Variants in FBXL17 observed in about 807,000 individuals in gnomAD.
The protein encoded by FBXL17 is F-box/LRR-repeat protein 17.
In FBXL17, 22 loss-of-function variants were observed where a neutral mutation model predicts 66.2. The observed-to-expected ratio is 0.33, with a 90% CI of 0.24 to 0.47. FBXL17 has a LOEUF of 0.47. Among genes scored for constraint, FBXL17 ranks in the 20% least tolerant of loss-of-function variants. The probability of loss-of-function intolerance (pLI) is 1.00; values close to 1 mark genes in which losing one functional copy is unlikely to be tolerated. For missense variants in FBXL17, 878 were observed against 948.2 expected, an observed-to-expected ratio of 0.93 and a Z score of 0.97; for synonymous variants, 474 against 400.5, an observed-to-expected ratio of 1.18 and a Z score of -2.19.
At chr5:108,007,231 T>C (rs905247086) in intron 7 of FBXL17, among the ~76,000 whole-genome samples, 1 of 152,188 alleles carries the variant, frequency 6.6e-6, no homozygotes, top group Non-Finnish European at 1.5e-5. Context: ...ATCTTTTCTG[T>C]AGTAGTTGGG....
At chr5:107,984,944 T>C (rs1330470296) in intron 7 of FBXL17, among the ~76,000 whole-genome samples, 2 of 152,216 alleles carry the variant, frequency 1.3e-5, no homozygotes, top group Non-Finnish European at 2.9e-5. Flanking sequence ...GAAAACTTTA[T>C]ACCTACCTTT....
chr5:108,179,237 T>A (rs896370465), intron 6 of FBXL17, among the ~76,000 whole-genome samples: 2 of 152,162 alleles, frequency 1.3e-5, no homozygotes, highest in Admixed American at 6.5e-5. Context: ...CCGTTTTTTA[T>A]TGAATCAACG....
intron 5 of FBXL17, among the ~76,000 whole-genome samples, chr5:108,216,567 G>A (rs761999447): frequency 3.3e-5 from 5 of 151,682 alleles, no homozygotes; most frequent in Non-Finnish European, 7.4e-5. Flanking sequence ...TATATTTATG[G>A]TGTACAGCAT....
chr5:108,191,027 G>C (rs532235970), intron 5 of FBXL17, among the ~76,000 whole-genome samples: 1 of 152,148 alleles, frequency 6.6e-6, no homozygotes, highest in Non-Finnish European at 1.5e-5. Flanking sequence ...TGGACCCATA[G>C]GGCTGCCTGT....
At chr5:108,372,543 G>A (rs963692788) in intron 1 of FBXL17, among the ~76,000 whole-genome samples, 5 of 152,206 alleles carry the variant, frequency 3.3e-5, no homozygotes, top group East Asian at 3.9e-4. Flanking sequence ...AATGCAACTC[G>A]TGAAAAGGAC....
Position 108,048,408 on chromosome 5 carries a change from G to A in FBXL17, c.1746-27407C>T, listed in dbSNP as rs141361671. Among the ~76,000 whole-genome samples, 7 of 152,276 alleles carry A rather than the reference G, an allele frequency of 4.6e-5. 1 individual carries two copies. Among genetic ancestry groups the A allele is most frequent in the African/African-American group, 1.7e-4 (7 of 41,558 alleles). ...CCAGAGTACCTCTTCTCCTCCAAAT[G>A]ACTGCAATGCCTCTCCAGCAAGGTT... On this transcript the variant is annotated intron_variant, in intron 6 of 8. Transcript: ENST00000542267.
chr5:108,120,931 A>G (rs1288818147), intron 6 of FBXL17, among the ~76,000 whole-genome samples: 1 of 152,230 alleles, frequency 6.6e-6, no homozygotes, highest in African/African-American at 2.4e-5. Context: ...TTATAAAAAA[A>G]GAACCAAAAA....
chr5:108,232,465 G>GT (rs1755388317), intron 4 of FBXL17, among the ~76,000 whole-genome samples: 1 of 152,034 alleles, frequency 6.6e-6, no homozygotes, highest in Non-Finnish European at 1.5e-5. Context: ...GGTCCTGGGT[G>GT]TGTCTGTGAG....
chr5:107,965,225 T>C (rs948741127), intron 7 of FBXL17, among the ~76,000 whole-genome samples: 1 of 152,242 alleles, frequency 6.6e-6, no homozygotes, highest in Middle Eastern at 3.4e-3. Flanking sequence ...AAGTAGTTGA[T>C]TGAATTTCAC....
At chr5:108,281,044 G>A (rs1757682924) in intron 4 of FBXL17, among the ~76,000 whole-genome samples, 1 of 151,812 alleles carries the variant, frequency 6.6e-6, no homozygotes. Flanking sequence ...TAGACCTAAA[G>A]AGAGAGACAG....
intron 7 of FBXL17, among the ~76,000 whole-genome samples, chr5:107,990,626 G>A (rs13160447): frequency 0.31 from 47,110 of 151,994 alleles, 7,460 homozygotes; most frequent in African/African-American, 0.38. Flanking sequence ...TGATTAAGTT[G>A]ATAAATGTGA....
intron 6 of FBXL17, among the ~76,000 whole-genome samples, chr5:108,085,573 T>A (rs926563187): frequency 9.2e-5 from 14 of 152,218 alleles, no homozygotes; most frequent in African/African-American, 3.4e-4. Flanking sequence ...CTGAACACTG[T>A]GTGCCGTTGG....
intron 7 of FBXL17, among the ~76,000 whole-genome samples, chr5:107,898,070 G>A (rs1749441836): frequency 6.6e-6 from 1 of 152,170 alleles, no homozygotes; most frequent in South Asian, 2.1e-4. Flanking sequence ...TGATGAGGAT[G>A]AAGATGTAGA....
rs542113272 is a variant in FBXL17 at position 108,121,328 on chromosome 5, A to T, written c.1745+64789T>A. ...GGCAACAGAGCAAGACTCCATCTCA[A>T]AAAAAAAAGAAAGAAAATCTTGTTA... On this transcript the variant is annotated intron_variant, in intron 6 of 8. Coordinates refer to ENST00000542267, the MANE Select transcript of FBXL17 (RefSeq NM_001163315.3). Among the ~76,000 whole-genome samples, 3 of 151,282 alleles carry T rather than the reference A, an allele frequency of 2.0e-5. No homozygotes were observed. The South Asian group carries it at 6.3e-4, about 32-fold the overall frequency.
chr5:108,272,346 G>A (rs1050226389), intron 4 of FBXL17, among the ~76,000 whole-genome samples: 5 of 145,870 alleles, frequency 3.4e-5, no homozygotes, highest in South Asian at 2.2e-4. Context: ...ACCAACAAAC[G>A]TTAGCTATAA....
intron 7 of FBXL17, among the ~76,000 whole-genome samples, chr5:107,889,440 C>T (rs1184909872): frequency 6.6e-6 from 1 of 152,104 alleles, no homozygotes; most frequent in Non-Finnish European, 1.5e-5. Context: ...AAAATGATTG[C>T]CCATCAATGG....
chr5:107,954,534 G>A (rs1210771364), intron 7 of FBXL17, among the ~76,000 whole-genome samples: 1 of 152,168 alleles, frequency 6.6e-6, no homozygotes, highest in Non-Finnish European at 1.5e-5. Flanking sequence ...TCATTAGTAG[G>A]CAAAGACAGC....
At chr5:108,032,608 T>A (rs2112787371) in intron 6 of FBXL17, among the ~76,000 whole-genome samples, 1 of 152,130 alleles carries the variant, frequency 6.6e-6, no homozygotes, top group East Asian at 1.9e-4. Flanking sequence ...ATTGGGGTGA[T>A]GTGGCCACAA....
chr5:108,315,826 A>G (rs1451022398), intron 4 of FBXL17, among the ~76,000 whole-genome samples: 1 of 151,590 alleles, frequency 6.6e-6, no homozygotes, highest in East Asian at 1.9e-4. Flanking sequence ...ATATTTAAAG[A>G]CCAATTAACA....
Sources: gnomAD v4.1 joint callset for allele counts (sites outside exome capture counted in the v4.1 genomes callset) on GRCh38, gnomAD v4.1.1 for gene constraint, MANE v1.5 for transcripts, NCBI Gene and HGNC (gene_info 2026-07-23, HGNC 2026-07-21) for gene names.